SLC25A19: variants seen among roughly 807,000 people sequenced by gnomAD.
SLC25A19 encodes solute carrier family 25 member 19.
In SLC25A19, 18 loss-of-function variants were observed where a neutral mutation model predicts 27.9. That is an observed-to-expected ratio of 0.64 (90% CI 0.45 to 0.96). The LOEUF (loss-of-function observed/expected upper bound fraction) is 0.96, where lower values mean the gene tolerates loss of function less well. Among genes scored for constraint, SLC25A19 ranks in the 40% least tolerant of loss-of-function variants. SLC25A19 has a pLI of 0.00. For missense variants in SLC25A19, 371 were observed against 418.3 expected (o/e 0.89, Z 0.99); for synonymous variants, 169 against 167.1 (o/e 1.01, Z -0.09).
intron 7 of SLC25A19, among the ~76,000 whole-genome samples, chr17:75,274,933 T>A (rs2077831653): frequency 6.6e-6 from 1 of 150,400 alleles, no homozygotes; most frequent in African/African-American, 2.4e-5. Flanking sequence ...AAAGGTTCCA[T>A]GTGGTTATCT....
At chr17:75,288,107 G>A (rs2078226512) in intron 2 of SLC25A19, 1 of 152,136 alleles carries the variant, frequency 6.6e-6, no homozygotes, top group African/African-American at 2.4e-5. Flanking sequence ...TCACGCCATT[G>A]CACTCCAGCC....
At chr17:75,276,194 G>T (rs1259711201) in intron 7 of SLC25A19, among the ~76,000 whole-genome samples, 1 of 152,182 alleles carries the variant, frequency 6.6e-6, no homozygotes, top group Non-Finnish European at 1.5e-5. Context: ...AGAATTGCTT[G>T]AACCCGGGAG....
intron 4 of SLC25A19, among the ~76,000 whole-genome samples, chr17:75,284,726 T>A (rs1279530567): frequency 6.9e-6 from 1 of 143,926 alleles, no homozygotes; most frequent in African/African-American, 2.6e-5. Context: ...CACTGCAGCC[T>A]CAACCTCCTG....
At chr17:75,277,507 G>A in intron 6 of SLC25A19, 24 bp from the exon 7 acceptor site, 1 of 1,613,318 alleles carries the variant, frequency 6.2e-7, no homozygotes, top group Non-Finnish European at 8.5e-7. Flanking sequence ...GTGGGATTGG[G>A]AGAATGGATG....
intron 7 of SLC25A19, 54 bp from the exon 8 acceptor site, chr17:75,273,693 C>T: frequency 1.3e-6 from 2 of 1,493,328 alleles, no homozygotes; most frequent in Non-Finnish European, 9.3e-7. Flanking sequence ...CCCATCAACA[C>T]AGCCCCTGGC....
At chr17:75,280,665 T>C (rs989532534) in intron 5 of SLC25A19, among the ~76,000 whole-genome samples, 1 of 150,094 alleles carries the variant, frequency 6.7e-6, no homozygotes, top group African/African-American at 2.5e-5. Flanking sequence ...ATACAAAAAT[T>C]AGCCAGGCGC....
intron 5 of SLC25A19, among the ~76,000 whole-genome samples, chr17:75,282,422 C>T (rs955770085): frequency 4.6e-5 from 7 of 152,008 alleles, no homozygotes; most frequent in Admixed American, 2.6e-4. Flanking sequence ...TGATGGCAGG[C>T]GCCTGTAATC....
chr17:75,278,453 G>T, intron 5 of SLC25A19, 118 bp from the exon 6 acceptor site: 1 of 1,120,628 alleles, frequency 8.9e-7, no homozygotes, highest in Non-Finnish European at 1.3e-6. Flanking sequence ...AACTCCTCCT[G>T]CCAGGAAGAC....
In SLC25A19 at chr17:75,283,451, G is replaced by C; in HGVS notation, c.431C>G (p.Thr144Ser). ...GGGCTCACCCTGAGCTGCAAAGCGGGTGCGCAGAACATCCACGGGGTGCAC... is the reference window on the plus strand; with the variant it reads ...GGGCTCACCCTGAGCTGCAAAGCGGCTGCGCAGAACATCCACGGGGTGCAC... ...LTVHPVDVLR[T>S]RFAAQGEPKV... The change falls in exon 5 of 8, where the codon ACC becomes AGC. Residue 144 changes from threonine to serine, a missense_variant. Thr to Ser is a moderately conservative substitution (Grantham distance 58). Transcript: ENST00000416858. 6.2e-7 allele frequency: 1 copy of C among 1,612,448 alleles called. No individual in the cohort carries two copies. Among genetic ancestry groups the C allele is most frequent in the Non-Finnish European group, 8.5e-7 (1 of 1,179,778 alleles).
chr17:75,283,729 T>C, intron 4 of SLC25A19, 136 bp from the exon 5 acceptor site: 1 of 813,432 alleles, frequency 1.2e-6, no homozygotes, highest in Non-Finnish European at 2.1e-6. Flanking sequence ...ATGTTCTTCT[T>C]GAGCAGTGAC....
chr17:75,286,870 C>T (rs746057257), intron 2 of SLC25A19, 68 bp from the exon 3 acceptor site: 22 of 1,428,990 alleles, frequency 1.5e-5, no homozygotes, highest in Admixed American at 1.3e-4. Context: ...ATATCACCTC[C>T]TCAGAGCAGC....
rs139100607 is a variant in SLC25A19 at position 75,277,388 on chromosome 17, C to T, written c.739G>A (p.Gly247Arg). The change falls in exon 7 of 8, where the codon GGA becomes AGA. Residue 247 changes from glycine (G) to arginine (R), a missense_variant. Coordinates refer to ENST00000416858, the MANE Select transcript of SLC25A19 (RefSeq NM_001126121.2). ...GCAGCTCTGGCATGCTCAAACCCTCCAACCTGTAGCCGCTTCTTGAAGAGG... is the reference window on the plus strand; with the variant it reads ...GCAGCTCTGGCATGCTCAAACCCTCTAACCTGTAGCCGCTTCTTGAAGAGG... Reference protein sequence around the residue: ...LDLFKKRLQVGGFEHARAAFG... With the variant: ...LDLFKKRLQVRGFEHARAAFG... 8 of 1,614,010 alleles carry T rather than the reference C, an allele frequency of 5.0e-6. No homozygotes were observed. The highest frequency in any genetic ancestry group is 6.8e-6 in the Non-Finnish European group (8 of 1,179,996).
rs190262135 is a variant in SLC25A19, at chr17:75,275,686, G to A, written c.774+1667C>T. Among the ~76,000 whole-genome samples the A allele has an allele frequency of 2.5e-3, 377 of 152,304 alleles. 2 individuals are homozygous for A. Among genetic ancestry groups the A allele is most frequent in the African/African-American group, 8.9e-3 (369 of 41,564 alleles). ...AATACAACTTAGGCCCAGGTGTGGC[G>A]GCTCATGCCTGTAATCCCAGCACTT... On this transcript the variant is annotated intron_variant, in intron 7 of 7. Coordinates refer to ENST00000416858, the MANE Select transcript of SLC25A19 (RefSeq NM_001126121.2).
intron 5 of SLC25A19, among the ~76,000 whole-genome samples, chr17:75,281,784 G>GTGGGATCCCACTTGAT (rs2078044415): frequency 2.0e-5 from 3 of 152,168 alleles, no homozygotes; most frequent in Admixed American, 6.5e-5. Context: ...CCTTGATCCA[G>GTGGGATCCCACTTGAT]CCCACTGCTG....
intron 5 of SLC25A19, among the ~76,000 whole-genome samples, chr17:75,282,744 C>T (rs1397128595): frequency 1.3e-5 from 2 of 150,376 alleles, no homozygotes; most frequent in African/African-American, 2.4e-5. Context: ...CCCAGCTACT[C>T]GGGAGGCTGA....
Position 75,286,410 on chromosome 17 carries a change from C to A in SLC25A19, c.182G>T (p.Gly61Val). The change falls in exon 4 of 8, where the codon GGC (glycine) becomes GTC (valine). Residue 61 changes from glycine to valine, a missense_variant. By Grantham distance (109) the Gly-to-Val change is moderately radical (BLOSUM62 -3). Transcript: ENST00000416858. Reference sequence around the variant, plus strand: ...AATCTGCCTAGAGGCCTGGAGGATGCCATGGTACTTTGCGCTGGGGTCACT... The same window carrying A: ...AATCTGCCTAGAGGCCTGGAGGATGACATGGTACTTTGCGCTGGGGTCACT... ...SRSDPSAKYH[G>V]ILQASRQILQ... 1 of 1,614,154 alleles carries A rather than the reference C, an allele frequency of 6.2e-7. No individual in the cohort carries two copies. Among genetic ancestry groups the A allele is most frequent in the Non-Finnish European group, 8.5e-7 (1 of 1,180,032 alleles).
chr17:75,277,311 T>C (rs368656932), intron 7 of SLC25A19, 42 bp downstream of exon 7: 3 of 1,606,174 alleles, frequency 1.9e-6, no homozygotes, highest in Middle Eastern at 2.1e-4. Flanking sequence ...TGCCCAGTGA[T>C]GGCAAGGGTC....
chr17:75,284,299 A>G (rs1365901162), intron 4 of SLC25A19, among the ~76,000 whole-genome samples: 3 of 151,896 alleles, frequency 2.0e-5, no homozygotes, highest in Non-Finnish European at 4.4e-5. Flanking sequence ...GCTACTTGGG[A>G]GGCTGAGGCA....
intron 7 of SLC25A19, among the ~76,000 whole-genome samples, chr17:75,275,023 C>G (rs1342011800): frequency 9.2e-6 from 1 of 109,004 alleles, no homozygotes; most frequent in African/African-American, 3.6e-5. Context: ...GAGTCTCACT[C>G]TGTCGCCCAA....
Sources: allele counts gnomAD v4.1 joint callset (sites outside exome capture counted in the v4.1 genomes callset), GRCh38; gene constraint gnomAD v4.1.1; transcripts MANE v1.5; gene names NCBI Gene and HGNC (gene_info 2026-07-23, HGNC 2026-07-21).